The following UBN1 variants were observed in gnomAD, a reference collection of about 807,000 sequenced individuals.
UBN1 encodes ubinuclein-1.
UBN1 carries 17 observed loss-of-function variants against 108.5 expected under a neutral mutation model. The observed-to-expected ratio is 0.16, with a 90% confidence interval of 0.11 to 0.24. UBN1 has a LOEUF of 0.24. UBN1 is among the 10% of genes least tolerant of loss of function. The probability of loss-of-function intolerance (pLI) is 1.00; values close to 1 mark genes in which losing one functional copy is unlikely to be tolerated. For synonymous variants in UBN1, 726 were observed against 564.2 expected, an observed-to-expected ratio of 1.29 and a Z score of -4.07; for missense variants, 1,595 against 1,394.4, an observed-to-expected ratio of 1.14 and a Z score of -2.29.
At position 4,879,494 on chromosome 16, in the gene UBN1, AAATC is replaced by A. The variant is rs751363416; in HGVS notation, c.3356-583_3356-580del. On this transcript the variant is annotated intron_variant, in intron 17 of 17. Transcript: ENST00000262376. ...CAGTTTAAAAGTTCGAGGAAAAAGA[AAATC>A]AATCAGAAAAGCAACTATACCAAAA... Among the ~76,000 whole-genome samples, 12 of 152,336 alleles carry A rather than the reference AAATC, an allele frequency of 7.9e-5. No homozygotes were observed. The East Asian group carries it at 9.6e-4, about 12-fold the overall frequency.
chr16:4,859,042 T>C lies in UBN1; in HGVS notation c.450T>C (p.Pro150=). Residue 150 remains proline (P), a synonymous_variant, in exon 5 of 18, where the codon CCT becomes CCC. Transcript: ENST00000262376. ...ATCTTCAGTATGATGAGCTTGTTCC[T>C]GCTTCTTTGACTACGAAGTATGGAG... ...DNSEAYDELV[P]ASLTTKYGGF... The C allele has an allele frequency of 6.2e-7, 1 of 1,613,998 alleles. No individual in the cohort carries two copies. The highest frequency in any genetic ancestry group is 8.5e-7 in the Non-Finnish European group (1 of 1,179,988).
In UBN1 at chr16:4,877,546, G is replaced by T. The variant is rs559391126; in HGVS notation, c.3355+72G>T. The stretch of plus-strand genomic sequence containing the variant: ...CCTCTCCACCCCTAGGTGCTTTGCC[G>T]CTGCCAAGGGTCTTGGTGTCTTTGC... On this transcript the variant is annotated intron_variant, in intron 17 of 17. Transcript: ENST00000262376. This position sits in a 1 kb window ranked among gnomAD's most constrained non-coding sequence, Gnocchi z 4.3. 3.2e-5 allele frequency: 48 copies of T among 1,496,622 alleles called. No homozygotes were observed. The Admixed American group carries it at 9.4e-4, about 29-fold the overall frequency. 92.7% of individuals were successfully genotyped at this position (1,496,622 alleles called of 1,614,324 possible).
chr16:4,874,412 A>G lies in UBN1; in HGVS notation c.2002A>G (p.Asn668Asp). 1.2e-6 allele frequency: 2 copies of G among 1,613,870 alleles called. No individual in the cohort carries two copies. Among genetic ancestry groups the G allele is most frequent in the South Asian group, 1.1e-5 (1 of 91,060 alleles). ...EDSLDEDLIRNPASSVEAVSK... is the reference protein window; with the variant it reads ...EDSLDEDLIRDPASSVEAVSK... ...CTCATTGGATGAAGACTTGATCCGC[A>G]ATCCAGCCTCCTCGGTGGAAGCCGT... is the stretch of plus-strand genomic sequence containing the variant. Residue 668 changes from asparagine to aspartate, a missense_variant, in exon 15 of 18, where the codon AAT (asparagine) becomes GAT (aspartate). Transcript: ENST00000262376.
rs893689304 is a variant in UBN1 at position 4,859,033 on chromosome 16, G to A, written c.441G>A (p.Glu147=). 1 of 1,613,560 alleles carries A rather than the reference G, an allele frequency of 6.2e-7. No individual in the cohort carries two copies. The highest frequency in any genetic ancestry group is 2.2e-5 in the East Asian group (1 of 44,888). ...SFIDNSEAYD[E]LVPASLTTKY... ...TTGTTTCCCATCTTCAGTATGATGA[G>A]CTTGTTCCTGCTTCTTTGACTACGA... is the stretch of plus-strand genomic sequence containing the variant. The change falls in exon 5 of 18, where the codon GAG becomes GAA. Residue 147 remains glutamate (E), a synonymous_variant. Coordinates refer to ENST00000262376, the MANE Select transcript of UBN1 (RefSeq NM_001079514.3).
At chr16:4,853,580 C>G (rs1318774601) in intron 2 of UBN1, among the ~76,000 whole-genome samples, 1 of 148,390 alleles carries the variant, frequency 6.7e-6, no homozygotes, top group Non-Finnish European at 1.5e-5. Flanking sequence ...TTTTTCGAGA[C>G]CGAGTCTCGC....
intron 1 of UBN1, among the ~76,000 whole-genome samples, chr16:4,850,773 A>G (rs1007218205): frequency 3.3e-5 from 5 of 152,246 alleles, no homozygotes; most frequent in African/African-American, 4.8e-5. Context: ...ATACGTCTAC[A>G]TGTATGTGGA....
In UBN1 at chr16:4,877,853, T is replaced by C; in HGVS notation, c.3355+379T>C. 1.0e-6 allele frequency: 1 copy of C among 998,234 alleles called. No individual in the cohort carries two copies. Among genetic ancestry groups the C allele is most frequent in the Non-Finnish European group, 1.2e-6 (1 of 838,898 alleles). The allele number at this position is 998,234 out of a possible 1,614,324, so 61.8% of individuals were successfully genotyped here. Reference sequence around the variant, plus strand: ...GCATCTTCTCCAAGGGCTAATTGGGTACAACAAGGTCTTGGAATGCAAGCT... The same window carrying C: ...GCATCTTCTCCAAGGGCTAATTGGGCACAACAAGGTCTTGGAATGCAAGCT... On this transcript the variant is annotated intron_variant, in intron 17 of 17. Coordinates refer to ENST00000262376, the MANE Select transcript of UBN1 (RefSeq NM_001079514.3). This position sits in a 1 kb window ranked among gnomAD's most constrained non-coding sequence, Gnocchi z 4.3.
chr16:4,868,921 G>A lies in UBN1; in HGVS notation c.1181+18G>A. The stretch of plus-strand genomic sequence containing the variant: ...CTATTAGAGTGAGTATCGTCTGTCT[G>A]TCTGTCTGTCTGTCTGTTTCTGCTA... On this transcript the variant is annotated intron_variant, in intron 8 of 17. Transcript: ENST00000262376. 1 of 1,612,330 alleles carries A rather than the reference G, an allele frequency of 6.2e-7. No homozygotes were observed. Among genetic ancestry groups the A allele is most frequent in the Admixed American group, 1.7e-5 (1 of 59,796 alleles).
intron 6 of UBN1, among the ~76,000 whole-genome samples, chr16:4,860,276 G>T (rs2086999182): frequency 2.0e-5 from 3 of 152,114 alleles, no homozygotes; most frequent in Admixed American, 2.0e-4. Context: ...TGTTGTCTAT[G>T]GTCATGCTTC....
chr16:4,850,401 A>G (rs1181433423), intron 1 of UBN1, among the ~76,000 whole-genome samples: 1 of 152,202 alleles, frequency 6.6e-6, no homozygotes, highest in Non-Finnish European at 1.5e-5. Context: ...CTGGTTGCCA[A>G]TTCAAGGATG....
intron 2 of UBN1, among the ~76,000 whole-genome samples, chr16:4,854,361 T>TTC (rs2086697552): frequency 6.9e-6 from 1 of 144,716 alleles, no homozygotes; most frequent in Non-Finnish European, 1.5e-5. Flanking sequence ...TGTTGTTTTT[T>TTC]GAGACCAAGT....
At chr16:4,876,117 C>G (rs1292032120) in intron 15 of UBN1, among the ~76,000 whole-genome samples, 1 of 152,080 alleles carries the variant, frequency 6.6e-6, no homozygotes, top group Non-Finnish European at 1.5e-5. Context: ...CGCCACCACG[C>G]CCAGCTAATT....
rs143433640 is a variant in UBN1, at chr16:4,850,806, T to A, written c.-39-2073T>A. ...GGATATATACGATATATGCTAATTT[T>A]CCTGAATTAACTCACATTTGTGATT... On this transcript the variant is annotated intron_variant, in intron 1 of 17. Transcript: ENST00000262376. Among the ~76,000 whole-genome samples, 763 of 152,350 alleles carry A rather than the reference T, an allele frequency of 5.0e-3. 2 individuals are homozygous for A. Among genetic ancestry groups the A allele is most frequent in the African/African-American group, 0.017 (726 of 41,564 alleles).
intron 2 of UBN1, among the ~76,000 whole-genome samples, chr16:4,855,750 C>T (rs2086779791): frequency 1.3e-5 from 2 of 152,094 alleles, no homozygotes; most frequent in South Asian, 2.1e-4. Flanking sequence ...AAAAACCCAT[C>T]TCTACTAAAA....
intron 7 of UBN1, among the ~76,000 whole-genome samples, chr16:4,866,034 G>A (rs927330542): frequency 6.6e-6 from 1 of 152,148 alleles, no homozygotes; most frequent in Non-Finnish European, 1.5e-5. Flanking sequence ...CTGTAGATGG[G>A]TCTGAAAGTG....
chr16:4,870,681 C>G, intron 10 of UBN1, 47 bp downstream of exon 10: 1 of 1,608,284 alleles, frequency 6.2e-7, no homozygotes. Context: ...CGTCTTGCCT[C>G]TTCCCCTCCC....
At chr16:4,849,276 G>A (rs565415421) in intron 1 of UBN1, among the ~76,000 whole-genome samples, 20 of 152,158 alleles carry the variant, frequency 1.3e-4, no homozygotes, top group African/African-American at 4.1e-4. Flanking sequence ...ACAAAAATAA[G>A]AAATGCAATT....
intron 3 of UBN1, 130 bp from the exon 4 acceptor site, chr16:4,858,438 G>A: frequency 6.6e-6 from 5 of 762,448 alleles, no homozygotes; most frequent in Non-Finnish European, 1.1e-5. Flanking sequence ...TGGGGTTTGT[G>A]TGTATGTGAG....
In UBN1 at chr16:4,872,917, G is replaced by A; in HGVS notation, c.1740G>A (p.Gly580=). Residue 580 remains glycine, a synonymous_variant, in exon 13 of 18, where the codon GGG becomes GGA. Coordinates refer to ENST00000262376, the MANE Select transcript of UBN1 (RefSeq NM_001079514.3). ...TLFKESRRGH[G]HLTSILAKKK... ...TTAAGGAGAGCAGACGAGGCCATGGGCACCTGACTTCAATCCTGTGAGTGT... is the reference window on the plus strand; with the variant it reads ...TTAAGGAGAGCAGACGAGGCCATGGACACCTGACTTCAATCCTGTGAGTGT... 1.9e-6 allele frequency: 3 copies of A among 1,614,212 alleles called. No homozygotes were observed. The highest frequency in any genetic ancestry group is 1.1e-5 in the South Asian group (1 of 91,080).
Sources: allele counts gnomAD v4.1 joint callset (sites outside exome capture counted in the v4.1 genomes callset), GRCh38; gene constraint gnomAD v4.1.1; non-coding constraint Gnocchi (gnomAD v3.1); transcripts MANE v1.5; gene names NCBI Gene and HGNC (gene_info 2026-07-23, HGNC 2026-07-21).